Variants in METAP1 observed in about 807,000 individuals in gnomAD.
METAP1 encodes the protein methionine aminopeptidase 1.
A neutral mutation model predicts 53.8 loss-of-function variants in METAP1; 28 were observed. That is an observed-to-expected ratio of 0.52 (90% confidence interval 0.39 to 0.71). The LOEUF is 0.71. METAP1 is among the 30% of genes least tolerant of loss of function. METAP1 has a pLI of 0.00. For synonymous variants in METAP1, 181 were observed against 165.7 expected (o/e 1.09, Z -0.71); for missense variants, 389 against 479.8 (o/e 0.81, Z 1.77).
intron 1 of METAP1, among the ~76,000 whole-genome samples, chr4:98,997,010 T>C (rs1722665424): frequency 6.6e-6 from 1 of 152,216 alleles, no homozygotes; most frequent in African/African-American, 2.4e-5. Flanking sequence ...TCTTTGTAAG[T>C]TTCACAAGCT....
At chr4:99,046,329 G>C (rs1726229919) in intron 8 of METAP1, among the ~76,000 whole-genome samples, 1 of 152,128 alleles carries the variant, frequency 6.6e-6, no homozygotes, top group African/African-American at 2.4e-5. Context: ...CAGGAGAGTT[G>C]CTGGAACCTG....
rs200971206 is a variant in METAP1 at position 99,045,334 on chromosome 4, A to G, written c.787+24A>G. On this transcript the variant is annotated intron_variant, in intron 8 of 10. Coordinates refer to ENST00000296411, the MANE Select transcript of METAP1 (RefSeq NM_015143.3). ...AGGTCAGCCTCAGTGTTGAGCACCT[A>G]TTGGCAGTCCTGTGTGTTGATGGGC... The G allele has an allele frequency of 1.3e-4, 206 of 1,611,912 alleles. 2 individuals are homozygous for G. Among genetic ancestry groups the G allele is most frequent in the Middle Eastern group, 8.3e-4 (5 of 5,998 alleles).
At chr4:99,054,369 GCAGCTTTGTCACCTCTCT>G (rs1328157087) in intron 9 of METAP1, among the ~76,000 whole-genome samples, 1 of 152,144 alleles carries the variant, frequency 6.6e-6, no homozygotes, top group African/African-American at 2.4e-5. Flanking sequence ...CTTTTCTTCT[GCAGCTTTGTCACCTCTCT>G]CAGCCTTCGT....
At chr4:99,003,088 A>C (rs1028598768) in intron 1 of METAP1, among the ~76,000 whole-genome samples, 4 of 128,784 alleles carry the variant, frequency 3.1e-5, no homozygotes, top group Non-Finnish European at 7.3e-5. Flanking sequence ...AACAAACAAA[A>C]AACAACAAAC....
chr4:99,022,836 A>G (rs751432285), intron 1 of METAP1: 22 of 1,575,088 alleles, frequency 1.4e-5, no homozygotes, highest in Admixed American at 9.0e-5. Context: ...TTGCTGTGGT[A>G]CTGCTTTTTT....
intron 1 of METAP1, among the ~76,000 whole-genome samples, chr4:99,006,834 G>C (rs140618991): frequency 5.9e-5 from 9 of 152,224 alleles, no homozygotes; most frequent in Non-Finnish European, 1.2e-4. Flanking sequence ...AGGCTAGTCA[G>C]TTGTCTTGTA....
intron 1 of METAP1, among the ~76,000 whole-genome samples, chr4:99,000,990 A>G (rs1722897656): frequency 6.6e-6 from 1 of 152,118 alleles, no homozygotes; most frequent in Admixed American, 6.6e-5. Context: ...GAGCCACTGC[A>G]CCTGGCTGGA....
intron 1 of METAP1, among the ~76,000 whole-genome samples, chr4:98,999,492 T>C (rs1722817490): frequency 6.8e-6 from 1 of 147,828 alleles, no homozygotes; most frequent in Admixed American, 6.9e-5. Flanking sequence ...TAGAAATATT[T>C]TATCTAGGAT....
chr4:99,006,982 C>T (rs1723206734), intron 1 of METAP1, among the ~76,000 whole-genome samples: 2 of 148,018 alleles, frequency 1.4e-5, no homozygotes, highest in African/African-American at 5.0e-5. Context: ...TTTTTTGAGA[C>T]GGTCTCATTC....
chr4:99,027,960 T>A lies in METAP1; in HGVS notation c.115-907T>A, dbSNP rs187129504. Among the ~76,000 whole-genome samples the A allele has an allele frequency of 3.3e-5, 5 of 152,182 alleles. No homozygotes were observed. In the East Asian group the frequency reaches 9.6e-4, roughly 29 times the overall value. ...TGGTTAACTACGTAGTCCTAGGGATTTTTTTTTCCCGTGCTTTTTTTTTCC... is the reference window on the plus strand; with the variant it reads ...TGGTTAACTACGTAGTCCTAGGGATATTTTTTTCCCGTGCTTTTTTTTTCC... On this transcript the variant is annotated intron_variant, in intron 1 of 10. Coordinates refer to ENST00000296411, the MANE Select transcript of METAP1 (RefSeq NM_015143.3).
At chr4:99,001,177 T>A (rs1046001575) in intron 1 of METAP1, among the ~76,000 whole-genome samples, 1 of 152,224 alleles carries the variant, frequency 6.6e-6, no homozygotes, top group African/African-American at 2.4e-5. Flanking sequence ...GGAGATATTA[T>A]CATGTTGTGC....
chr4:99,026,382 A>T (rs1230199), intron 1 of METAP1: 74,143 of 985,336 alleles, frequency 0.075, 3,083 homozygotes, highest in East Asian at 0.23. Context: ...GTGACATGTT[A>T]AGCTTGTGTG....
chr4:99,024,250 G>A (rs990481836), intron 1 of METAP1, among the ~76,000 whole-genome samples: 3 of 152,070 alleles, frequency 2.0e-5, no homozygotes, highest in African/African-American at 4.8e-5. Context: ...CCTCTCACGC[G>A]GACCCCCTTA....
At chr4:99,031,994 A>G (rs1270640520) in intron 2 of METAP1, among the ~76,000 whole-genome samples, 2 of 152,232 alleles carry the variant, frequency 1.3e-5, no homozygotes, top group Non-Finnish European at 1.5e-5. Flanking sequence ...CAGTTGTGCT[A>G]CCATCATCAG....
intron 4 of METAP1, among the ~76,000 whole-genome samples, chr4:99,036,401 A>G (rs1725426965): frequency 6.6e-6 from 1 of 152,130 alleles, no homozygotes; most frequent in Non-Finnish European, 1.5e-5. Flanking sequence ...TCTTAAATGT[A>G]GTATTAGCTT....
intron 1 of METAP1, among the ~76,000 whole-genome samples, chr4:99,007,940 C>T (rs1038512836): frequency 6.6e-6 from 1 of 152,168 alleles, no homozygotes; most frequent in Non-Finnish European, 1.5e-5. Flanking sequence ...AAATCTACAT[C>T]TGAGTGCTAG....
At chr4:99,031,683 A>C (rs1725044597) in intron 2 of METAP1, 4 of 930,852 alleles carry the variant, frequency 4.3e-6, no homozygotes, top group Non-Finnish European at 6.0e-6. Context: ...AAAAACTAAT[A>C]ATCATCTCTG....
At chr4:99,000,101 A>G (rs1001010258) in intron 1 of METAP1, among the ~76,000 whole-genome samples, 1 of 152,238 alleles carries the variant, frequency 6.6e-6, no homozygotes, top group Admixed American at 6.5e-5. Flanking sequence ...GAAAACAAAG[A>G]AATTCTGTAT....
chr4:99,034,540 T>C (rs1725289087), intron 3 of METAP1, among the ~76,000 whole-genome samples, 198 bp downstream of exon 3: 1 of 152,260 alleles, frequency 6.6e-6, no homozygotes, highest in Non-Finnish European at 1.5e-5. Flanking sequence ...GGAAAAATTT[T>C]AGATGAAAGA....
Sources: gnomAD v4.1 joint callset for allele counts (sites outside exome capture counted in the v4.1 genomes callset) on GRCh38, gnomAD v4.1.1 for gene constraint, MANE v1.5 for transcripts, NCBI Gene and HGNC (gene_info 2026-07-23, HGNC 2026-07-21) for gene names.